The following PRCC variants were observed in gnomAD, a reference collection of about 807,000 sequenced individuals.
PRCC encodes the protein proline rich mitotic checkpoint control factor, also known as proline-rich protein PRCC.
A neutral mutation model predicts 44.0 loss-of-function variants in PRCC; 10 were observed. The observed-to-expected ratio is 0.23, with a 90% CI of 0.14 to 0.39. PRCC has a LOEUF of 0.39. Ranked by LOEUF, PRCC falls within the 10% of genes least tolerant of loss-of-function variation. The probability of loss-of-function intolerance (pLI) is 1.00; values close to 1 mark genes in which losing one functional copy is unlikely to be tolerated. For synonymous variants in PRCC, 278 were observed against 259.5 expected, an observed-to-expected ratio of 1.07 and a Z score of -0.69; for missense variants, 573 against 624.7, an observed-to-expected ratio of 0.92 and a Z score of 0.88.
intron 1 of PRCC, among the ~76,000 whole-genome samples, chr1:156,777,341 T>G (rs1162604030): frequency 1.3e-5 from 2 of 152,174 alleles, no homozygotes; most frequent in Non-Finnish European, 1.5e-5. Flanking sequence ...GAGCCTTACT[T>G]TCTTCACCAT....
chr1:156,779,979 C>T (rs1651995138), intron 1 of PRCC, among the ~76,000 whole-genome samples: 1 of 152,198 alleles, frequency 6.6e-6, no homozygotes, highest in South Asian at 2.1e-4. Context: ...CAACCTCCGC[C>T]TCCTGGATTC....
chr1:156,784,347 G>A (rs535840663), intron 2 of PRCC, among the ~76,000 whole-genome samples: 29 of 152,326 alleles, frequency 1.9e-4, no homozygotes, highest in African/African-American at 7.0e-4. Flanking sequence ...GCTTCCTGGA[G>A]GAGGTAGACT....
Position 156,786,708 on chromosome 1 carries a change from G to T in PRCC, c.617G>T (p.Arg206Leu), listed in dbSNP as rs1459906828. 1.9e-6 allele frequency: 3 copies of T among 1,613,910 alleles called. No individual in the cohort carries two copies. The highest frequency in any genetic ancestry group is 2.5e-6 in the Non-Finnish European group (3 of 1,180,010). The change falls in exon 3 of 7, where the codon CGC becomes CTC. Residue 206 changes from arginine to leucine, a missense_variant. Transcript: ENST00000271526. ...NRLLLPHAFS[R>L]KPSDGSPDTK... ...TTGCTCCTGCCCCATGCCTTCTCCC[G>T]CAAACCCTCGGATGGCTCCCCTGAT...
chr1:156,775,852 C>T (rs1354695825), intron 1 of PRCC, among the ~76,000 whole-genome samples: 5 of 152,078 alleles, frequency 3.3e-5, no homozygotes, highest in African/African-American at 9.7e-5. Context: ...CTCTACAGTG[C>T]CCAGACTTGT....
rs2274504 is a variant in PRCC at position 156,782,110 on chromosome 1, C to T, written c.469-172C>T. Among the ~76,000 whole-genome samples the T allele has an allele frequency of 7.2e-3, 1,099 of 152,302 alleles. 5 individuals carry two copies. The highest frequency in any genetic ancestry group is 0.011 in the Non-Finnish European group (752 of 68,034). On this transcript the variant is annotated intron_variant, in intron 1 of 6. Coordinates refer to ENST00000271526, the MANE Select transcript of PRCC (RefSeq NM_005973.5). ...TGATTTCTCTGAAGCTGTTTGAGATCAGGAAGGGAGCTGTGTTGTTTGACT... is the reference window on the plus strand; with the variant it reads ...TGATTTCTCTGAAGCTGTTTGAGATTAGGAAGGGAGCTGTGTTGTTTGACT...
intron 6 of PRCC, among the ~76,000 whole-genome samples, chr1:156,798,145 G>A (rs1652724406): frequency 6.6e-6 from 1 of 152,200 alleles, no homozygotes; most frequent in African/African-American, 2.4e-5. Flanking sequence ...GGATCTTCCT[G>A]TGTAGCCCAG....
intron 1 of PRCC, among the ~76,000 whole-genome samples, chr1:156,779,103 AATATAT>A (rs1491379076): frequency 7.1e-4 from 20 of 28,014 alleles, no homozygotes; most frequent in East Asian, 4.7e-3. Flanking sequence ...CCGGCCGGGT[AATATAT>A]ATATATATAT....
At chr1:156,787,918 G>A (rs191441570) in intron 3 of PRCC, among the ~76,000 whole-genome samples, 12 of 152,002 alleles carry the variant, frequency 7.9e-5, no homozygotes, top group Admixed American at 7.2e-4. Context: ...TGCAACCTCC[G>A]CCTCCCAGGT....
intron 1 of PRCC, among the ~76,000 whole-genome samples, chr1:156,776,453 G>A (rs1340812598): frequency 1.5e-5 from 2 of 135,240 alleles, no homozygotes; most frequent in African/African-American, 2.6e-5. Flanking sequence ...AGACTGTTCC[G>A]AAGTCTTTAT....
At chr1:156,778,581 C>CTT (rs746389120) in intron 1 of PRCC, among the ~76,000 whole-genome samples, 26 of 130,076 alleles carry the variant, frequency 2.0e-4, no homozygotes, top group Admixed American at 5.5e-4. Flanking sequence ...TATAGTAATT[C>CTT]TTTTTTTTTT....
chr1:156,791,872 A>AACAC, intron 4 of PRCC, 80 bp downstream of exon 4: 1 of 1,310,666 alleles, frequency 7.6e-7, no homozygotes, highest in Non-Finnish European at 1.1e-6. Flanking sequence ...AAATTAAAAA[A>AACAC]ACACACACAC....
chr1:156,783,967 GA>G (rs1383639519), intron 2 of PRCC, among the ~76,000 whole-genome samples: 1 of 150,292 alleles, frequency 6.7e-6, no homozygotes, highest in Non-Finnish European at 1.5e-5. Flanking sequence ...TTTTGGGGGG[GA>G]CGGAGTCTCG....
chr1:156,782,305 C>T lies in PRCC; in HGVS notation c.492C>T (p.Pro164=). The T allele has an allele frequency of 6.2e-7, 1 of 1,607,932 alleles. No individual in the cohort carries two copies. The change falls in exon 2 of 7, where the codon CCC becomes CCT. Residue 164 remains proline (P), a synonymous_variant. Coordinates refer to ENST00000271526, the MANE Select transcript of PRCC (RefSeq NM_005973.5). ...KGDSDSEEDE[P]TKKKTILQGS... is the part of the protein sequence containing the mutation. ...AGTCAGATTCTGAGGAAGATGAACC[C>T]ACAAAGAAGAAAACTATCCTTCAGG...
At chr1:156,792,522 A>C (rs1273347565) in intron 4 of PRCC, among the ~76,000 whole-genome samples, 1 of 152,114 alleles carries the variant, frequency 6.6e-6, no homozygotes, top group Non-Finnish European at 1.5e-5. Context: ...ATCTCAGCTC[A>C]CTGCAACCTC....
chr1:156,774,500 T>TC (rs992845393), intron 1 of PRCC, among the ~76,000 whole-genome samples: 1 of 151,640 alleles, frequency 6.6e-6, no homozygotes, highest in African/African-American at 2.4e-5. Flanking sequence ...TCTTTTTTTT[T>TC]CAATGAAACA....
chr1:156,774,950 CAAAAA>C (rs35955533), intron 1 of PRCC, among the ~76,000 whole-genome samples: 1 of 105,492 alleles, frequency 9.5e-6, no homozygotes, highest in Non-Finnish European at 1.9e-5. Context: ...GACTCTGTCT[CAAAAA>C]AAAAAAAAAA....
chr1:156,784,405 T>TCCC (rs1271208791), intron 2 of PRCC, among the ~76,000 whole-genome samples: 1 of 152,130 alleles, frequency 6.6e-6, no homozygotes, highest in African/African-American at 2.4e-5. Context: ...TAAAGAACAA[T>TCCC]CTTCCAGGTG....
chr1:156,784,759 C>T (rs1652174009), intron 2 of PRCC, among the ~76,000 whole-genome samples: 1 of 152,214 alleles, frequency 6.6e-6, no homozygotes, highest in Non-Finnish European at 1.5e-5. Context: ...ACACAGTGAC[C>T]TTATTCCATT....
chr1:156,790,106 G>A (rs1277843746), intron 3 of PRCC, among the ~76,000 whole-genome samples: 1 of 152,254 alleles, frequency 6.6e-6, no homozygotes, highest in African/African-American at 2.4e-5. Flanking sequence ...GCCTGGGATG[G>A]TTGGAAGACT....
Sources: gnomAD v4.1 joint callset for allele counts (sites outside exome capture counted in the v4.1 genomes callset) on GRCh38, gnomAD v4.1.1 for gene constraint, MANE v1.5 for transcripts, NCBI Gene and HGNC (gene_info 2026-07-23, HGNC 2026-07-21) for gene names.